Variants in NLGN4X observed in about 807,000 individuals in gnomAD.
The protein encoded by NLGN4X is neuroligin 4 X-linked.
NLGN4X carries 3 observed loss-of-function variants against 40.3 expected under a neutral mutation model. That is an observed-to-expected ratio of 0.07 (90% CI 0.03 to 0.19). The LOEUF (loss-of-function observed/expected upper bound fraction) is 0.19. Among genes scored for constraint, NLGN4X ranks in the 10% least tolerant of loss-of-function variants. The pLI, the probability that NLGN4X is intolerant of heterozygous loss-of-function variation, is 1.00. For synonymous variants in NLGN4X, 270 were observed against 306.8 expected, an observed-to-expected ratio of 0.88 and a Z score of 1.25; for missense variants, 382 against 708.3, an observed-to-expected ratio of 0.54 and a Z score of 5.23.
chrX:6,172,595 T>C lies in NLGN4X; in HGVS notation c.-305-20824A>G, dbSNP rs2040631509. Among the ~76,000 whole-genome samples, 2 of 112,082 alleles carry C rather than the reference T, an allele frequency of 1.8e-5. 1 individual carries two copies. Among genetic ancestry groups the C allele is most frequent in the Non-Finnish European group, 3.8e-5 (2 of 53,273 alleles). On this transcript the variant is annotated intron_variant, in intron 1 of 5. Transcript: ENST00000381095. ...ATCATATCTCCTACAAGTTACAGAT[T>C]AGAAATTTTGTCTCTTGTTTTCTTG...
intron 1 of NLGN4X, among the ~76,000 whole-genome samples, chrX:6,154,105 T>C (rs992750707): frequency 8.9e-5 from 10 of 111,957 alleles, no homozygotes; most frequent in Admixed American, 1.9e-4. Flanking sequence ...GCCTGTACAA[T>C]GTACAGTATT....
At chrX:6,152,063 G>A (rs373550696) in intron 1 of NLGN4X, among the ~76,000 whole-genome samples, 14 of 110,868 alleles carry the variant, frequency 1.3e-4, no homozygotes, top group East Asian at 5.7e-4. Flanking sequence ...CCATCCTCCC[G>A]CCTCACCCTC....
chrX:6,227,669 C>G (rs950012959), intron 1 of NLGN4X: 3 of 111,378 alleles, frequency 2.7e-5, no homozygotes, highest in Non-Finnish European at 3.8e-5. Flanking sequence ...CCCCGGTTTA[C>G]AGAAGCAGCC....
chrX:6,147,470 T>C (rs1264421796), intron 2 of NLGN4X, among the ~76,000 whole-genome samples: 1 of 112,270 alleles, frequency 8.9e-6, no homozygotes, highest in Non-Finnish European at 1.9e-5. Flanking sequence ...CTGTGTTCAG[T>C]CTCCTTGGGG....
intron 1 of NLGN4X, among the ~76,000 whole-genome samples, chrX:6,164,012 G>C (rs1342906559): frequency 8.9e-6 from 1 of 112,586 alleles, no homozygotes; most frequent in African/African-American, 3.2e-5. Context: ...ATCTCCTGTG[G>C]GTACCACAAC....
At chrX:6,051,834 G>A (rs1282355933) in intron 2 of NLGN4X, among the ~76,000 whole-genome samples, 1 of 111,190 alleles carries the variant, frequency 9.0e-6, no homozygotes. Flanking sequence ...AGTTGAATTT[G>A]AGCCGGACCT....
chrX:6,128,990 T>G (rs2039621689), intron 2 of NLGN4X, among the ~76,000 whole-genome samples: 1 of 111,703 alleles, frequency 9.0e-6, no homozygotes. Context: ...TACCCACTGC[T>G]GTGTGGTCTC....
intron 3 of NLGN4X, among the ~76,000 whole-genome samples, chrX:5,921,391 CAGAGAGAGAGAGAGAGAGAGAG>C (rs56879029): frequency 1.9e-5 from 1 of 53,088 alleles, no homozygotes; most frequent in Non-Finnish European, 3.6e-5. Flanking sequence ...GAAAATGAAC[CAGAGAGAGAGAGAGAGAGAGAG>C]AGAGAGAGAG....
intron 3 of NLGN4X, among the ~76,000 whole-genome samples, chrX:5,938,705 A>G (rs1437166024): frequency 2.7e-5 from 3 of 111,419 alleles, no homozygotes; most frequent in Non-Finnish European, 3.8e-5. Flanking sequence ...TATTAGGTTT[A>G]GAGTTAGAAC....
intron 1 of NLGN4X, among the ~76,000 whole-genome samples, chrX:6,188,984 G>A (rs1922319171): frequency 8.9e-6 from 1 of 112,341 alleles, no homozygotes. Flanking sequence ...TATTAAATAG[G>A]CTTCACAAAT....
chrX:5,969,234 G>A (rs1257339099), intron 3 of NLGN4X, among the ~76,000 whole-genome samples: 1 of 110,862 alleles, frequency 9.0e-6, no homozygotes, highest in Non-Finnish European at 1.9e-5. Context: ...GAGTGAACAG[G>A]CAACCTACAA....
At chrX:6,104,573 T>A (rs1228250167) in intron 2 of NLGN4X, among the ~76,000 whole-genome samples, 1 of 111,036 alleles carries the variant, frequency 9.0e-6, no homozygotes, top group South Asian at 3.8e-4. Context: ...GAAACCAAGA[T>A]GCAACGGAAA....
chrX:6,061,242 T>A (rs1396977531), intron 2 of NLGN4X, among the ~76,000 whole-genome samples: 2 of 111,407 alleles, frequency 1.8e-5, no homozygotes, highest in Non-Finnish European at 3.8e-5. Context: ...TTAGCGAACT[T>A]TGAACATGAG....
At chrX:6,194,170 A>T (rs1922837454) in intron 1 of NLGN4X, among the ~76,000 whole-genome samples, 1 of 111,322 alleles carries the variant, frequency 9.0e-6, no homozygotes, top group African/African-American at 3.2e-5. Context: ...GCGACAGAGC[A>T]AGACCCTGTC....
chrX:6,126,986 G>C (rs1023967853), intron 2 of NLGN4X, among the ~76,000 whole-genome samples: 2 of 56,985 alleles, frequency 3.5e-5, no homozygotes, highest in East Asian at 6.0e-4. Flanking sequence ...ACTATTTTGT[G>C]GGGGGAGGAG....
chrX:6,149,056 G>A (rs1172200022), intron 2 of NLGN4X, among the ~76,000 whole-genome samples: 2 of 112,113 alleles, frequency 1.8e-5, no homozygotes, highest in African/African-American at 6.5e-5. Context: ...AAAGCCTAAA[G>A]ATCTAAACAA....
At chrX:6,021,954 C>T (rs1024421742) in intron 3 of NLGN4X, among the ~76,000 whole-genome samples, 1 of 111,561 alleles carries the variant, frequency 9.0e-6, no homozygotes, top group African/African-American at 3.3e-5. Context: ...CTTCCTTCCA[C>T]CTTTTGCTAC....
intron 1 of NLGN4X, among the ~76,000 whole-genome samples, chrX:6,177,555 T>C (rs1310025794): frequency 8.9e-6 from 1 of 112,295 alleles, no homozygotes; most frequent in Non-Finnish European, 1.9e-5. Context: ...TTATTTATAA[T>C]TGTACTCATT....
intron 2 of NLGN4X, among the ~76,000 whole-genome samples, chrX:6,141,336 A>G (rs1304110649): frequency 2.7e-5 from 3 of 112,032 alleles, no homozygotes; most frequent in African/African-American, 9.7e-5. Flanking sequence ...GCAATGAAAG[A>G]TAAAGTCATG....
Sources: allele counts gnomAD v4.1 joint callset (sites outside exome capture counted in the v4.1 genomes callset), GRCh38; gene constraint gnomAD v4.1.1; transcripts MANE v1.5; gene names NCBI Gene and HGNC (gene_info 2026-07-23, HGNC 2026-07-21).